Variants in TCF4 observed in about 807,000 individuals in gnomAD.
The protein encoded by TCF4 is transcription factor 4, also known as SL3-3 enhancer factor 2.
TCF4 carries 3 observed loss-of-function variants against 82.1 expected under a neutral mutation model. That is an observed-to-expected ratio of 0.04 (90% CI 0.02 to 0.09). The LOEUF is 0.09. TCF4 is among the 10% of genes least tolerant of loss of function. The pLI is 1.00. For synonymous variants in TCF4, 276 were observed against 309.6 expected (o/e 0.89, Z 1.14); for missense variants, 518 against 852.7 (o/e 0.61, Z 4.89).
At chr18:55,251,930 GT>G (rs199695068) in intron 15 of TCF4, among the ~76,000 whole-genome samples, 281 of 101,244 alleles carry the variant, frequency 2.8e-3, no homozygotes, top group Middle Eastern at 6.7e-3. Context: ...GGGGGATGAG[GT>G]TTTTTTTTTT....
At chr18:55,548,994 T>A (rs1437441047) in intron 3 of TCF4, among the ~76,000 whole-genome samples, 1 of 152,154 alleles carries the variant, frequency 6.6e-6, no homozygotes, top group East Asian at 1.9e-4. Flanking sequence ...ACATTGAATT[T>A]TTTTTTTCTT....
At chr18:55,321,985 A>C (rs1266240179) in intron 8 of TCF4, 3 of 1,288,248 alleles carry the variant, frequency 2.3e-6, no homozygotes, top group Non-Finnish European at 2.9e-6. Flanking sequence ...CGAAATCCTA[A>C]TGCATACGCG....
intron 3 of TCF4, among the ~76,000 whole-genome samples, chr18:55,514,617 T>A (rs139155145): frequency 6.6e-6 from 1 of 152,182 alleles, no homozygotes; most frequent in African/African-American, 2.4e-5. Context: ...TTAAACTTTG[T>A]TCTTACAGGT....
upstream of TCF4, among the ~76,000 whole-genome samples, chr18:55,593,591 G>A (rs572245545): frequency 1.3e-5 from 2 of 152,222 alleles, no homozygotes; most frequent in South Asian, 2.1e-4. Flanking sequence ...GTTAAGGAGC[G>A]GCATAGCCAG....
chr18:55,413,236 C>T (rs534439226), intron 5 of TCF4, among the ~76,000 whole-genome samples: 2 of 152,096 alleles, frequency 1.3e-5, no homozygotes, highest in Non-Finnish European at 1.5e-5. Context: ...AATCCAACTG[C>T]CATTTGTATA....
rs150198831 is a variant in TCF4, at chr18:55,626,104, G to A, written c.286+5194C>T. On this transcript the variant is annotated intron_variant, in intron 2 of 20. Transcript: ENST00000398339. ...AGGATGTGTTGTACTATTTTATGGT[G>A]CACACTATTCCAACTCATTAGGGAG... 1.8e-3 allele frequency among the ~76,000 whole-genome samples: 267 copies of A among 152,260 alleles called. 2 individuals are homozygous for A. The highest frequency in any genetic ancestry group is 3.1e-3 in the Non-Finnish European group (213 of 68,030).
At chr18:55,507,159 G>A (rs1241236591) in intron 3 of TCF4, among the ~76,000 whole-genome samples, 1 of 152,174 alleles carries the variant, frequency 6.6e-6, no homozygotes, top group East Asian at 1.9e-4. Context: ...CACCAGGCCT[G>A]GCCTTTTCTT....
At chr18:55,235,540 C>T (rs993486908) in intron 15 of TCF4, among the ~76,000 whole-genome samples, 1 of 152,098 alleles carries the variant, frequency 6.6e-6, no homozygotes, top group Non-Finnish European at 1.5e-5. Flanking sequence ...TAAAAAAATA[C>T]TGCTGAGCTT....
intron 6 of TCF4, among the ~76,000 whole-genome samples, chr18:55,382,733 T>C (rs2092117441): frequency 6.6e-6 from 1 of 152,232 alleles, no homozygotes; most frequent in African/African-American, 2.4e-5. Flanking sequence ...ATTAAATGTG[T>C]ACTTCTCAAA....
intron 3 of TCF4, among the ~76,000 whole-genome samples, chr18:55,525,121 A>G (rs1412469077): frequency 6.6e-6 from 1 of 151,850 alleles, no homozygotes; most frequent in Non-Finnish European, 1.5e-5. Flanking sequence ...TTTCCTATAA[A>G]GCTAGCTTTC....
At chr18:55,420,328 T>C (rs1381644686) in intron 5 of TCF4, among the ~76,000 whole-genome samples, 3 of 152,152 alleles carry the variant, frequency 2.0e-5, no homozygotes, top group African/African-American at 7.2e-5. Flanking sequence ...AGGTGGCACA[T>C]TCAAAACTAA....
intron 2 of TCF4, chr18:55,586,164 GCAGCAGCAGCAGC>G (rs2097647367): frequency 3.0e-6 from 1 of 331,218 alleles, no homozygotes; most frequent in African/African-American, 9.7e-5. Flanking sequence ...AGCAGCAGCA[GCAGCAGCAGCAGC>G]AGCAGCAGCA....
At chr18:55,581,358 A>T (rs2097573526) in intron 3 of TCF4, among the ~76,000 whole-genome samples, 1 of 152,088 alleles carries the variant, frequency 6.6e-6, no homozygotes, top group Admixed American at 6.6e-5. Flanking sequence ...CTGTATAATG[A>T]AGGCACTGGG....
intron 2 of TCF4, 96 bp downstream of exon 2, chr18:55,586,949 C>A: frequency 1.9e-6 from 2 of 1,043,758 alleles, no homozygotes; most frequent in Non-Finnish European, 2.9e-6. Context: ...AAAATTATTA[C>A]TGTCCTTTAG....
At chr18:55,502,373 CT>C (rs1484148754) in intron 3 of TCF4, among the ~76,000 whole-genome samples, 1 of 152,156 alleles carries the variant, frequency 6.6e-6, no homozygotes, top group Middle Eastern at 3.2e-3. Flanking sequence ...ATGAGAGGTC[CT>C]TTTGGTCATC....
At chr18:55,261,662 G>T in intron 11 of TCF4, 129 bp from the exon 12 acceptor site, 2 of 1,040,472 alleles carry the variant, frequency 1.9e-6, no homozygotes, top group Non-Finnish European at 3.0e-6. Flanking sequence ...TCTTTAATTA[G>T]CATTAATTTG....
intron 3 of TCF4, among the ~76,000 whole-genome samples, chr18:55,497,499 G>T (rs1174141335): frequency 6.6e-6 from 1 of 151,942 alleles, no homozygotes; most frequent in Non-Finnish European, 1.5e-5. Context: ...TTGCATAAGG[G>T]GATACAATAT....
intron 3 of TCF4, chr18:55,496,138 C>G (rs188352859): frequency 1.3e-5 from 2 of 152,268 alleles, no homozygotes; most frequent in East Asian, 3.9e-4. Flanking sequence ...ACAGCGTAAG[C>G]CTGTAATGCA....
intron 8 of TCF4, among the ~76,000 whole-genome samples, chr18:55,317,975 C>T (rs1376226623): frequency 6.6e-6 from 1 of 151,968 alleles, no homozygotes; most frequent in East Asian, 1.9e-4. Flanking sequence ...ATAACTATTT[C>T]AAAACAACTA....
Sources: gnomAD v4.1 joint callset for allele counts (sites outside exome capture counted in the v4.1 genomes callset) on GRCh38, gnomAD v4.1.1 for gene constraint, MANE v1.5 for transcripts, NCBI Gene and HGNC (gene_info 2026-07-23, HGNC 2026-07-21) for gene names.